Variants in PHF14 observed in about 807,000 individuals in gnomAD.
PHF14 encodes the protein PHD finger protein 14.
PHF14 carries 55 observed loss-of-function variants against 117.9 expected under a neutral mutation model. That is an observed-to-expected ratio of 0.47 (90% CI 0.38 to 0.58). PHF14 has a LOEUF of 0.58. Ranked by LOEUF, PHF14 falls within the 20% of genes least tolerant of loss-of-function variation. The probability of loss-of-function intolerance (pLI) is 0.00; values close to 1 mark genes in which losing one functional copy is unlikely to be tolerated. For synonymous variants in PHF14, 409 were observed against 368.6 expected, an observed-to-expected ratio of 1.11 and a Z score of -1.26; for missense variants, 978 against 1,122.2, an observed-to-expected ratio of 0.87 and a Z score of 1.84.
At chr7:10,989,584 C>G (rs556728454) in intron 3 of PHF14, among the ~76,000 whole-genome samples, 32 of 152,204 alleles carry the variant, frequency 2.1e-4, no homozygotes, top group African/African-American at 6.5e-4. Flanking sequence ...CAAGCAGACC[C>G]TCTTCTGAAA....
intron 17 of PHF14, among the ~76,000 whole-genome samples, chr7:11,140,147 T>G (rs1232919651): frequency 6.6e-6 from 1 of 152,110 alleles, no homozygotes; most frequent in Non-Finnish European, 1.5e-5. Context: ...CTCATACCCC[T>G]GCACACACCT....
chr7:11,091,252 G>A (rs908406080), intron 16 of PHF14, among the ~76,000 whole-genome samples: 1 of 152,086 alleles, frequency 6.6e-6, no homozygotes, highest in Non-Finnish European at 1.5e-5. Context: ...AATGAAAAAT[G>A]GAAAGGCAAG....
chr7:10,990,479 A>C (rs1782411586), intron 3 of PHF14, among the ~76,000 whole-genome samples: 1 of 152,154 alleles, frequency 6.6e-6, no homozygotes, highest in African/African-American at 2.4e-5. Flanking sequence ...GCTTGCAGAG[A>C]AGTGAAAAAT....
chr7:11,118,711 G>A (rs796980123), intron 17 of PHF14, among the ~76,000 whole-genome samples: 26 of 151,778 alleles, frequency 1.7e-4, no homozygotes, highest in African/African-American at 6.0e-4. Context: ...AACATAGATT[G>A]TTTATTAGTC....
chr7:11,028,027 G>C (rs1302071938), intron 6 of PHF14, among the ~76,000 whole-genome samples: 1 of 151,980 alleles, frequency 6.6e-6, no homozygotes, highest in Non-Finnish European at 1.5e-5. Context: ...TATAGTCCTT[G>C]ACTTATGATG....
chr7:10,974,358 C>G (rs937660111), intron 1 of PHF14, 34 bp downstream of exon 1: 1 of 1,564,882 alleles, frequency 6.4e-7, no homozygotes, highest in Admixed American at 1.8e-5. Context: ...GGCGAGAGGT[C>G]CATTTCAGCC....
At chr7:10,983,193 G>T (rs1292432633) in intron 3 of PHF14, 34 bp downstream of exon 3, 1 of 1,548,306 alleles carries the variant, frequency 6.5e-7, no homozygotes, top group Non-Finnish European at 8.7e-7. Flanking sequence ...CTGTCTGTCT[G>T]GGGAAAAGGG....
chr7:11,127,396 G>A (rs566688081), intron 17 of PHF14, among the ~76,000 whole-genome samples: 1 of 152,010 alleles, frequency 6.6e-6, no homozygotes, highest in Non-Finnish European at 1.5e-5. Flanking sequence ...CACCAACGCT[G>A]TCCTCTTTGG....
At chr7:11,007,003 C>T (rs571762044) in intron 4 of PHF14, 39 of 330,540 alleles carry the variant, frequency 1.2e-4, no homozygotes, top group African/African-American at 8.2e-4. Context: ...GGTGAAACTC[C>T]CTTCTCTACT....
At chr7:11,099,461 G>A (rs564753443) in intron 16 of PHF14, among the ~76,000 whole-genome samples, 42 of 152,094 alleles carry the variant, frequency 2.8e-4, no homozygotes, top group Non-Finnish European at 5.4e-4. Flanking sequence ...GTATTTCTGG[G>A]GTACACAATT....
intron 4 of PHF14, among the ~76,000 whole-genome samples, chr7:11,011,728 A>C (rs1783363861): frequency 6.6e-6 from 1 of 152,202 alleles, no homozygotes; most frequent in East Asian, 1.9e-4. Context: ...TCTTTGAAGG[A>C]TGTTTTACAT....
intron 16 of PHF14, among the ~76,000 whole-genome samples, chr7:11,098,542 G>T (rs988858075): frequency 6.6e-6 from 1 of 151,996 alleles, no homozygotes; most frequent in Non-Finnish European, 1.5e-5. Context: ...CTTCTGGCTC[G>T]TTTCCTCACC....
At chr7:11,062,159 A>G (rs1208631343) in intron 16 of PHF14, 74 bp downstream of exon 16, 3 of 1,271,960 alleles carry the variant, frequency 2.4e-6, no homozygotes, top group African/African-American at 3.0e-5. Context: ...AGAAAAAATG[A>G]AAAAACAATT....
chr7:11,044,326 T>TA (rs112901486), intron 13 of PHF14, among the ~76,000 whole-genome samples: 67 of 151,220 alleles, frequency 4.4e-4, no homozygotes, highest in East Asian at 3.9e-4. Flanking sequence ...AAGTTGAAAT[T>TA]AAAAAAAAAA....
intron 7 of PHF14, 45 bp downstream of exon 7, chr7:11,028,863 A>G (rs1784020569): frequency 6.6e-7 from 1 of 1,519,646 alleles, no homozygotes; most frequent in South Asian, 1.1e-5. Context: ...TTCACAAGAT[A>G]TCTTTTGACT....
At chr7:11,106,489 G>A (rs976486107) in intron 16 of PHF14, 2 of 948,792 alleles carry the variant, frequency 2.1e-6, no homozygotes, top group Non-Finnish European at 2.5e-6. Flanking sequence ...ATAAAATATT[G>A]TACTTATTGA....
chr7:11,138,061 G>T (rs1788285454), intron 17 of PHF14, among the ~76,000 whole-genome samples: 1 of 149,984 alleles, frequency 6.7e-6, no homozygotes, highest in South Asian at 2.1e-4. Flanking sequence ...TTTTGAGACG[G>T]AGTCTTTGCT....
At chr7:11,019,358 A>G (rs552566896) in intron 5 of PHF14, among the ~76,000 whole-genome samples, 95 of 152,274 alleles carry the variant, frequency 6.2e-4, no homozygotes, top group African/African-American at 2.1e-3. Context: ...CGAAGCCATC[A>G]GGTCAAGCAG....
chr7:11,090,993 G>C (rs2128338812), intron 16 of PHF14, among the ~76,000 whole-genome samples: 2 of 152,302 alleles, frequency 1.3e-5, no homozygotes, highest in Middle Eastern at 6.8e-3. Context: ...TAAGAGAATA[G>C]GTAGATTGGG....
Sources: gnomAD v4.1 joint callset for allele counts (sites outside exome capture counted in the v4.1 genomes callset) on GRCh38, gnomAD v4.1.1 for gene constraint, MANE v1.5 for transcripts, NCBI Gene and HGNC (gene_info 2026-07-23, HGNC 2026-07-21) for gene names.